Variants in DYNC1I1 observed in about 807,000 individuals in gnomAD.
DYNC1I1 encodes the protein dynein cytoplasmic 1 intermediate chain 1.
In DYNC1I1, 43 loss-of-function variants were observed where a neutral mutation model predicts 86.6. That is an observed-to-expected ratio of 0.50 (90% CI 0.39 to 0.64). DYNC1I1 has a LOEUF of 0.64. Among genes scored for constraint, DYNC1I1 ranks in the 30% least tolerant of loss-of-function variants. The probability of loss-of-function intolerance (pLI) is 0.00; values close to 1 mark genes in which losing one functional copy is unlikely to be tolerated. For missense variants in DYNC1I1, 604 were observed against 788.8 expected (o/e 0.77, Z 2.81); for synonymous variants, 262 against 283.7 (o/e 0.92, Z 0.77).
intron 6 of DYNC1I1, among the ~76,000 whole-genome samples, chr7:95,870,932 C>T (rs765778320): frequency 1.3e-5 from 2 of 151,902 alleles, no homozygotes; most frequent in East Asian, 1.9e-4. Flanking sequence ...TTTTATTCTT[C>T]GGTGGGTGAA....
At chr7:95,982,930 T>A (rs1793492143) in intron 7 of DYNC1I1, among the ~76,000 whole-genome samples, 1 of 152,194 alleles carries the variant, frequency 6.6e-6, no homozygotes, top group African/African-American at 2.4e-5. Flanking sequence ...AAATTGCTAC[T>A]TCATTAGTAA....
Position 96,028,255 on chromosome 7 carries a change from C to G in DYNC1I1, c.1050C>G (p.Leu350=). Reference sequence around the variant, plus strand: ...GGACTTACTCGGGCCAGATTGTCCTCTGGGACAATCGCAGTCATCGAAGGA... The same window carrying G: ...GGACTTACTCGGGCCAGATTGTCCTGTGGGACAATCGCAGTCATCGAAGGA... ...VGGTYSGQIV[L]WDNRSHRRTP... The change falls in exon 11 of 17, where the codon CTC becomes CTG. Residue 350 remains leucine (L), a synonymous_variant. Coordinates refer to ENST00000447467, the MANE Select transcript of DYNC1I1 (RefSeq NM_001135556.2). 6.2e-7 allele frequency: 1 copy of G among 1,613,878 alleles called. No homozygotes were observed. Among genetic ancestry groups the G allele is most frequent in the Non-Finnish European group, 8.5e-7 (1 of 1,179,830 alleles).
At chr7:95,830,748 G>C (rs1243650456) in intron 5 of DYNC1I1, among the ~76,000 whole-genome samples, 3 of 152,120 alleles carry the variant, frequency 2.0e-5, no homozygotes, top group Non-Finnish European at 4.4e-5. Flanking sequence ...GAATCATATA[G>C]TAGATACACA....
intron 16 of DYNC1I1, among the ~76,000 whole-genome samples, chr7:96,084,442 CTTTT>C (rs11369815): frequency 1.6e-5 from 2 of 124,744 alleles, no homozygotes; most frequent in Non-Finnish European, 1.6e-5. Context: ...TTTTTCTTTT[CTTTT>C]TTTTTTTTTT....
chr7:96,049,751 G>T (rs932257171), intron 14 of DYNC1I1, among the ~76,000 whole-genome samples: 1 of 152,090 alleles, frequency 6.6e-6, no homozygotes, highest in Non-Finnish European at 1.5e-5. Flanking sequence ...CAGTATAGTG[G>T]TGGGGCACAG....
chr7:96,029,693 A>C (rs924506670), intron 11 of DYNC1I1, among the ~76,000 whole-genome samples: 1 of 152,108 alleles, frequency 6.6e-6, no homozygotes, highest in Admixed American at 6.5e-5. Flanking sequence ...AGACAGGTGG[A>C]TCACTTGAGG....
intron 16 of DYNC1I1, among the ~76,000 whole-genome samples, chr7:96,107,954 A>G (rs1584324901): frequency 2.8e-5 from 4 of 145,360 alleles, no homozygotes; most frequent in Middle Eastern, 3.8e-3. Flanking sequence ...TAAACCAACT[A>G]TTAATCTTAT....
intron 2 of DYNC1I1, among the ~76,000 whole-genome samples, chr7:95,805,830 A>G (rs1794689509): frequency 1.3e-5 from 2 of 152,174 alleles, no homozygotes; most frequent in South Asian, 4.1e-4. Context: ...TGTAAGGAAA[A>G]AGAAAACTTA....
chr7:96,099,514 A>T (rs1038108551), downstream of DYNC1I1, among the ~76,000 whole-genome samples: 1 of 152,156 alleles, frequency 6.6e-6, no homozygotes, highest in Non-Finnish European at 1.5e-5. Flanking sequence ...ACAGAACTGT[A>T]TTTCTCACAG....
chr7:95,899,094 A>G (rs1054762460), intron 6 of DYNC1I1, among the ~76,000 whole-genome samples: 5 of 152,210 alleles, frequency 3.3e-5, no homozygotes, highest in African/African-American at 1.2e-4. Context: ...TGTGAAATCC[A>G]CAAGTCTCAG....
chr7:96,005,415 C>A (rs1794116022), intron 10 of DYNC1I1, among the ~76,000 whole-genome samples: 1 of 152,152 alleles, frequency 6.6e-6, no homozygotes, highest in African/African-American at 2.4e-5. Flanking sequence ...ATTTTGCCTT[C>A]TCTGTGATTT....
chr7:96,028,241 G>A lies in DYNC1I1; in HGVS notation c.1036G>A (p.Gly346Ser). 1.2e-6 allele frequency: 2 copies of A among 1,613,792 alleles called. No individual in the cohort carries two copies. Among genetic ancestry groups the A allele is most frequent in the Non-Finnish European group, 1.7e-6 (2 of 1,179,846 alleles). Residue 346 changes from glycine (G) to serine (S), a missense_variant, in exon 11 of 17, where the codon GGC becomes AGC. Physicochemically the swap from Gly to Ser is moderately conservative, Grantham distance 56. Transcript: ENST00000447467. ...PNLVVGGTYS[G>S]QIVLWDNRSH... Reference sequence around the variant, plus strand: ...CTTGGTGGTTGGTGGGACTTACTCGGGCCAGATTGTCCTCTGGGACAATCG... The same window carrying A: ...CTTGGTGGTTGGTGGGACTTACTCGAGCCAGATTGTCCTCTGGGACAATCG...
At chr7:95,886,245 G>T (rs530984254) in intron 6 of DYNC1I1, among the ~76,000 whole-genome samples, 12 of 152,244 alleles carry the variant, frequency 7.9e-5, no homozygotes, top group African/African-American at 2.9e-4. Context: ...AGACCAGGCT[G>T]GCCAACATGG....
At chr7:95,954,046 T>G (rs570434929) in intron 6 of DYNC1I1, among the ~76,000 whole-genome samples, 1 of 152,002 alleles carries the variant, frequency 6.6e-6, no homozygotes, top group East Asian at 1.9e-4. Flanking sequence ...GAAACAGCCC[T>G]GTGAACGCTG....
intron 7 of DYNC1I1, among the ~76,000 whole-genome samples, chr7:95,981,285 T>C (rs1357951042): frequency 6.6e-6 from 1 of 151,972 alleles, no homozygotes; most frequent in Non-Finnish European, 1.5e-5. Context: ...ACTGACAAAG[T>C]ATACATTGAG....
chr7:96,038,623 A>C (rs1788941885), intron 13 of DYNC1I1, among the ~76,000 whole-genome samples: 1 of 152,218 alleles, frequency 6.6e-6, no homozygotes, highest in African/African-American at 2.4e-5. Context: ...AAGAAAGACA[A>C]GATACTTGCC....
intron 6 of DYNC1I1, among the ~76,000 whole-genome samples, chr7:95,960,602 G>C (rs1261236777): frequency 6.6e-6 from 1 of 152,192 alleles, no homozygotes; most frequent in Non-Finnish European, 1.5e-5. Flanking sequence ...CCGAGTAAAA[G>C]AGAAGGAAAA....
intron 5 of DYNC1I1, among the ~76,000 whole-genome samples, chr7:95,843,586 T>C (rs540837529): frequency 6.6e-6 from 1 of 152,292 alleles, no homozygotes; most frequent in Non-Finnish European, 1.5e-5. Context: ...TGGTCTCTAT[T>C]ACTCCATTTT....
At chr7:95,959,460 G>GTCAAA (rs1453315122) in intron 6 of DYNC1I1, among the ~76,000 whole-genome samples, 1 of 152,136 alleles carries the variant, frequency 6.6e-6, no homozygotes, top group Admixed American at 6.5e-5. Context: ...GATTAAGAAG[G>GTCAAA]TCAAATCTAT....
Sources: gnomAD v4.1 joint callset for allele counts (sites outside exome capture counted in the v4.1 genomes callset) on GRCh38, gnomAD v4.1.1 for gene constraint, MANE v1.5 for transcripts, NCBI Gene and HGNC (gene_info 2026-07-23, HGNC 2026-07-21) for gene names.